The following COL25A1 variants were observed in gnomAD, a reference collection of about 807,000 sequenced individuals.
The protein encoded by COL25A1 is collagen type XXV alpha 1 chain.
A neutral mutation model predicts 128.4 loss-of-function variants in COL25A1; 103 were observed. The ratio of observed to expected loss-of-function variants is 0.80; its 90% CI spans 0.68 to 0.94. COL25A1 has a LOEUF of 0.94. COL25A1 is among the 40% of genes least tolerant of loss of function. The probability of loss-of-function intolerance (pLI) is 0.00; values close to 1 mark genes in which losing one functional copy is unlikely to be tolerated. For missense variants in COL25A1, 745 were observed against 840.0 expected (o/e 0.89, Z 1.40); for synonymous variants, 279 against 277.2 (o/e 1.01, Z -0.06).
At chr4:109,189,547 CAAAA>C (rs33989375) in intron 3 of COL25A1, among the ~76,000 whole-genome samples, 2 of 53,604 alleles carry the variant, frequency 3.7e-5, no homozygotes, top group Admixed American at 4.3e-4. Context: ...GACTCCATCT[CAAAA>C]AAAAAAAAAA....
intron 3 of COL25A1, among the ~76,000 whole-genome samples, chr4:109,284,433 CAAGAAAAGAA>C (rs992181665): frequency 6.6e-6 from 1 of 152,028 alleles, no homozygotes; most frequent in Non-Finnish European, 1.5e-5. Context: ...CCGTCAAAAA[CAAGAAAAGAA>C]AAGAAAAGGC....
At chr4:109,210,712 T>C (rs1777425450) in intron 3 of COL25A1, among the ~76,000 whole-genome samples, 1 of 152,136 alleles carries the variant, frequency 6.6e-6, no homozygotes, top group African/African-American at 2.4e-5. Context: ...GTGAGTCTCC[T>C]GCGATAATTA....
intron 35 of COL25A1, among the ~76,000 whole-genome samples, chr4:108,819,586 C>T (rs1368395859): frequency 6.6e-6 from 1 of 152,114 alleles, no homozygotes; most frequent in East Asian, 1.9e-4. Flanking sequence ...ATTCAGGTTC[C>T]AATTGTGCCG....
chr4:109,282,710 C>A (rs1299500024), intron 3 of COL25A1, among the ~76,000 whole-genome samples: 1 of 152,142 alleles, frequency 6.6e-6, no homozygotes, highest in East Asian at 1.9e-4. Context: ...GGCTAATGTG[C>A]CATTTAGCTG....
chr4:109,247,097 T>A (rs1173237315), intron 3 of COL25A1, among the ~76,000 whole-genome samples: 1 of 152,100 alleles, frequency 6.6e-6, no homozygotes, highest in Non-Finnish European at 1.5e-5. Flanking sequence ...GGTGTGGTGG[T>A]TCATGCCTGT....
intron 6 of COL25A1, among the ~76,000 whole-genome samples, chr4:108,983,057 A>T (rs987144405): frequency 1.3e-5 from 2 of 152,222 alleles, no homozygotes; most frequent in African/African-American, 4.8e-5. Flanking sequence ...TTTCTTTTCT[A>T]ACACAATACA....
rs567535787 is a variant in COL25A1 at position 108,918,408 on chromosome 4, A to G, written c.736-192T>C. Among the ~76,000 whole-genome samples the G allele has an allele frequency of 3.3e-5, 5 of 152,324 alleles. No homozygotes were observed. The South Asian group carries it at 6.2e-4, about 19-fold the overall frequency. ...GCTTCCCCAGAAACTACAGAGTTAA[A>G]ATTAAACCTTGCTTCTAAGTATCCA... On this transcript the variant is annotated intron_variant, in intron 12 of 37. Coordinates refer to ENST00000399132, the MANE Select transcript of COL25A1 (RefSeq NM_198721.4).
intron 3 of COL25A1, among the ~76,000 whole-genome samples, chr4:109,115,836 G>C (rs1339908836): frequency 2.0e-5 from 3 of 151,998 alleles, no homozygotes; most frequent in Non-Finnish European, 4.4e-5. Context: ...ACGAGATGGA[G>C]AGAAGCTGCT....
intron 8 of COL25A1, among the ~76,000 whole-genome samples, chr4:108,965,833 A>G: frequency 6.6e-6 from 1 of 152,148 alleles, no homozygotes; most frequent in East Asian, 1.9e-4. Flanking sequence ...TTTTTTGCAA[A>G]GAGGGACTTA....
intron 31 of COL25A1, among the ~76,000 whole-genome samples, chr4:108,839,355 A>G (rs1734155565): frequency 6.6e-6 from 1 of 152,218 alleles, no homozygotes; most frequent in Non-Finnish European, 1.5e-5. Flanking sequence ...ACACACTGGC[A>G]TGGCATAAAA....
chr4:109,198,545 A>G (rs1776308469), intron 3 of COL25A1, among the ~76,000 whole-genome samples: 1 of 152,162 alleles, frequency 6.6e-6, no homozygotes, highest in Admixed American at 6.6e-5. Context: ...AATCCTAGAG[A>G]AAGCCTCTTG....
intron 3 of COL25A1, among the ~76,000 whole-genome samples, chr4:109,267,293 C>G (rs919557488): frequency 5.3e-5 from 8 of 151,976 alleles, no homozygotes; most frequent in Admixed American, 5.2e-4. Flanking sequence ...TTTAGAAAGC[C>G]CAATAAATCA....
intron 3 of COL25A1, among the ~76,000 whole-genome samples, chr4:109,295,092 T>C (rs1461927986): frequency 6.6e-6 from 1 of 152,140 alleles, no homozygotes; most frequent in Admixed American, 6.5e-5. Flanking sequence ...TGAATTAAAC[T>C]CTATGCAGAA....
Position 109,057,421 on chromosome 4 carries a change from A to ATTTTTTTTTTTTTTTTTTTTTTTT in COL25A1, c.368-7266_368-7243dup, listed in dbSNP as rs776941019. ...TAGCTGGGACCACCATGCCTAGCTA[A>ATTTTTTTTTTTTTTTTTTTTTTTT]TTTTTTTTTTTTTTTTTTTTTTTTT... On this transcript the variant is annotated intron_variant, in intron 3 of 37. Transcript: ENST00000399132. 6.4e-4 allele frequency among the ~76,000 whole-genome samples: 13 copies of ATTTTTTTTTTTTTTTTTTTTTTTT among 20,238 alleles called. 3 individuals are homozygous for ATTTTTTTTTTTTTTTTTTTTTTTT. Among genetic ancestry groups the ATTTTTTTTTTTTTTTTTTTTTTTT allele is most frequent in the African/African-American group, 1.0e-3 (6 of 5,768 alleles). The allele number at this position is 20,238 out of a possible 152,430, so 13.3% of individuals were successfully genotyped here. A position where few individuals can be genotyped will look rare whatever the true frequency, so the allele number is the denominator to read the frequency against.
chr4:108,990,808 T>C (rs1310816601), intron 6 of COL25A1, among the ~76,000 whole-genome samples: 1 of 152,182 alleles, frequency 6.6e-6, no homozygotes, highest in Non-Finnish European at 1.5e-5. Context: ...TATTTTCATT[T>C]TACATTGAAA....
intron 3 of COL25A1, among the ~76,000 whole-genome samples, chr4:109,271,003 A>AT (rs1425838011): frequency 6.6e-6 from 1 of 152,110 alleles, no homozygotes; most frequent in Non-Finnish European, 1.5e-5. Flanking sequence ...GACTGGAAGG[A>AT]TTTTAGTAAT....
At chr4:109,083,448 ATTTTTTTTTTTTTTTTTTT>A (rs60165291) in intron 3 of COL25A1, among the ~76,000 whole-genome samples, 1 of 77,056 alleles carries the variant, frequency 1.3e-5, no homozygotes, top group Admixed American at 2.0e-4. Context: ...CACTAAATAA[ATTTTTTTTTTTTTTTTTTT>A]TTTTTTTTTT....
chr4:108,861,110 A>C, intron 22 of COL25A1, 139 bp from the exon 23 acceptor site: 4 of 671,946 alleles, frequency 6.0e-6, no homozygotes, highest in Non-Finnish European at 1.1e-5. Flanking sequence ...CACCACCAAA[A>C]TAGCAAATGC....
intron 12 of COL25A1, among the ~76,000 whole-genome samples, chr4:108,919,799 C>G (rs1053341022): frequency 1.3e-5 from 2 of 151,942 alleles, no homozygotes; most frequent in African/African-American, 2.4e-5. Flanking sequence ...TTTGCTCTGT[C>G]TCACCCAGGC....
Sources: gnomAD v4.1 joint callset for allele counts (sites outside exome capture counted in the v4.1 genomes callset) on GRCh38, gnomAD v4.1.1 for gene constraint, MANE v1.5 for transcripts, NCBI Gene and HGNC (gene_info 2026-07-23, HGNC 2026-07-21) for gene names.